Variants in THAP4 observed in about 807,000 individuals in gnomAD.
The protein encoded by THAP4 is peroxynitrite isomerase THAP4.
Under a neutral mutation model 48.1 loss-of-function variants are expected in THAP4, and 18 were observed. The observed-to-expected ratio is 0.37, with a 90% CI of 0.26 to 0.56. THAP4 has a LOEUF of 0.56. Among genes scored for constraint, THAP4 ranks in the 20% least tolerant of loss-of-function variants. THAP4 has a pLI of 0.78. For synonymous variants in THAP4, 345 were observed against 324.9 expected (o/e 1.06, Z -0.66); for missense variants, 656 against 774.9 (o/e 0.85, Z 1.82).
intron 5 of THAP4, among the ~76,000 whole-genome samples, chr2:241,595,704 G>A (rs2067038820): frequency 6.6e-6 from 1 of 151,808 alleles, no homozygotes. Flanking sequence ...AACAAACATG[G>A]ACACAAACAA....
At position 241,633,446 on chromosome 2, in the gene THAP4, C is replaced by T. The variant is rs577395918; in HGVS notation, c.711G>A (p.Ser237=). Residue 237 remains serine, a synonymous_variant, in exon 2 of 6, where the codon TCG becomes TCA. Transcript: ENST00000407315. This position sits in a 1 kb window ranked among gnomAD's most constrained non-coding sequence, Gnocchi z 7.5. ...GGGTGTGCTTAGAGGAGAAACTGTA[C>T]GAATGAAGTGAGCCGATAAATTTGC... ...GACKFIGSLH[S]YSFSSKHTRE... 23 of 1,613,842 alleles carry T rather than the reference C, an allele frequency of 1.4e-5. No homozygotes were observed. The Admixed American group carries it at 1.5e-4, about 11-fold the overall frequency.
At chr2:241,634,422 C>A (rs570710579) in intron 1 of THAP4, among the ~76,000 whole-genome samples, 1 of 152,200 alleles carries the variant, frequency 6.6e-6, no homozygotes, top group South Asian at 2.1e-4. Flanking sequence ...CAGGAAATAG[C>A]TCCTAGAAGC....
chr2:241,636,671 G>A (rs534231088), intron 1 of THAP4, among the ~76,000 whole-genome samples: 1 of 152,178 alleles, frequency 6.6e-6, no homozygotes, highest in Non-Finnish European at 1.5e-5. Context: ...CGCTTCCAGA[G>A]CGTGCGGCTT....
intron 2 of THAP4, among the ~76,000 whole-genome samples, chr2:241,622,168 GA>G (rs2067436729): frequency 6.6e-6 from 1 of 152,196 alleles, no homozygotes; most frequent in African/African-American, 2.4e-5. Flanking sequence ...TCAGGAGTTC[GA>G]GACCAGTCTG....
At chr2:241,598,415 TC>T (rs368553290) in intron 5 of THAP4, among the ~76,000 whole-genome samples, 1,696 of 152,220 alleles carry the variant, frequency 0.011, 30 homozygotes, top group African/African-American at 0.039. Flanking sequence ...CTCAGGGTTA[TC>T]CCCCAAAAAC....
chr2:241,606,951 GA>G (rs1229043992), intron 2 of THAP4, among the ~76,000 whole-genome samples: 1 of 152,188 alleles, frequency 6.6e-6, no homozygotes, highest in Non-Finnish European at 1.5e-5. Flanking sequence ...GCCCTGGCGT[GA>G]AGAGTGTGTG....
Position 241,625,797 on chromosome 2 carries a change from C to CAAAAA in THAP4, c.1240+7115_1240+7119dup, listed in dbSNP as rs147602587. On this transcript the variant is annotated intron_variant, in intron 2 of 5. Transcript: ENST00000407315. The stretch of plus-strand genomic sequence containing the variant: ...TGGGCAACAGAGCAAGACTCCGTCT[C>CAAAAA]AAAAAAAAAAAAAAAAAAAAAAAAA... Among the ~76,000 whole-genome samples the CAAAAA allele has an allele frequency of 2.9e-3, 144 of 50,166 alleles. 2 individuals carry two copies. Among genetic ancestry groups the CAAAAA allele is most frequent in the Non-Finnish European group, 3.5e-3 (110 of 31,126 alleles). The allele number at this position is 50,166 out of a possible 152,430, so 32.9% of individuals were successfully genotyped here. A position where few individuals can be genotyped will look rare whatever the true frequency, so the allele number is the denominator to read the frequency against.
In THAP4 at chr2:241,615,231, T is replaced by G. The variant is rs544366146; in HGVS notation, c.1241-8758A>C. 2.0e-5 allele frequency among the ~76,000 whole-genome samples: 3 copies of G among 152,128 alleles called. No homozygotes were observed. The South Asian group carries it at 6.2e-4, about 32-fold the overall frequency. On this transcript the variant is annotated intron_variant, in intron 2 of 5. Transcript: ENST00000407315. ...TTGGAGGGGAGTGCAAAGGAGAACC[T>G]GGACCGCTGGACGTGGGTGTGGCTG...
intron 2 of THAP4, among the ~76,000 whole-genome samples, chr2:241,626,389 C>G (rs761249936): frequency 2.0e-5 from 3 of 151,764 alleles, no homozygotes; most frequent in African/African-American, 4.8e-5. Context: ...TGCAGTGAGC[C>G]TAGATATCGC....
chr2:241,590,412 G>A lies in THAP4; in HGVS notation c.1615-5687C>T, dbSNP rs547724128. On this transcript the variant is annotated intron_variant, in intron 5 of 5. Transcript: ENST00000407315. ...GGCACTAGGACACTCAGAGCTGCTC[G>A]GCTGATGATAATGGGCACTAGGACA... Among the ~76,000 whole-genome samples the A allele has an allele frequency of 6.7e-5, 10 of 149,684 alleles. No individual in the cohort carries two copies. The East Asian group carries it at 1.8e-3, about 27-fold the overall frequency.
rs143045643 is a variant in THAP4, at chr2:241,633,473, C to T, written c.684G>A (p.Ala228=). 1.0e-4 allele frequency: 168 copies of T among 1,614,082 alleles called. No individual in the cohort carries two copies. The African/African-American group carries it at 1.5e-3, about 14-fold the overall frequency. ...AATGAAGTGAGCCGATAAATTTGCA[C>T]GCCCCAGATCCTGGGGGCGTAAAGT... The part of the protein sequence containing the change: ...MDDFTPPGSG[A]CKFIGSLHSY... The change falls in exon 2 of 6, where the codon GCG becomes GCA. Residue 228 remains alanine (A), a synonymous_variant. Transcript: ENST00000407315. The surrounding 1 kb of genome is among the most constrained non-coding windows in gnomAD (Gnocchi z 7.5).
chr2:241,589,512 G>C (rs1227373463), intron 5 of THAP4, among the ~76,000 whole-genome samples: 1 of 152,154 alleles, frequency 6.6e-6, no homozygotes. Context: ...ACTCAGCAGG[G>C]AAGTGCAAAT....
Position 241,610,373 on chromosome 2 carries a change from G to T in THAP4, c.1241-3900C>A, listed in dbSNP as rs557287348. Among the ~76,000 whole-genome samples the T allele has an allele frequency of 6.6e-6, 1 of 152,202 alleles. No homozygotes were observed. Among genetic ancestry groups the T allele is most frequent in the Non-Finnish European group, 1.5e-5 (1 of 68,020 alleles). On this transcript the variant is annotated intron_variant, in intron 2 of 5. Transcript: ENST00000407315. The surrounding 1 kb of genome is among the most constrained non-coding windows in gnomAD (Gnocchi z 4.2). ...GCCGCGCTCGCCCCCCAGCGCCAGG[G>T]TCACGCCACCGCGCCCTGTTTGGGG... is the stretch of plus-strand genomic sequence containing the variant.
chr2:241,588,624 C>A (rs1421749300), intron 5 of THAP4, among the ~76,000 whole-genome samples: 5 of 152,170 alleles, frequency 3.3e-5, no homozygotes, highest in Non-Finnish European at 7.3e-5. Flanking sequence ...GGAAGAACCA[C>A]ACACACAAAG....
chr2:241,618,329 CAAAT>C (rs2067372957), intron 2 of THAP4, among the ~76,000 whole-genome samples: 2 of 152,186 alleles, frequency 1.3e-5, no homozygotes, highest in South Asian at 4.1e-4. Flanking sequence ...AAAGTGGATA[CAAAT>C]AATTTGCAAA....
chr2:241,596,163 A>G (rs894186020), intron 5 of THAP4, among the ~76,000 whole-genome samples: 2 of 152,016 alleles, frequency 1.3e-5, no homozygotes, highest in African/African-American at 4.8e-5. Flanking sequence ...AAGGTGGCCT[A>G]TAAGATCCAA....
chr2:241,603,138 G>A (rs1370220698), intron 3 of THAP4, 59 bp from the exon 4 acceptor site: 13 of 1,395,844 alleles, frequency 9.3e-6, no homozygotes, highest in African/African-American at 1.4e-5. Flanking sequence ...GGCGTGGGCT[G>A]CGTGGATGCC....
intron 5 of THAP4, chr2:241,592,037 G>C (rs2066986820): frequency 6.6e-6 from 1 of 152,196 alleles, no homozygotes; most frequent in Admixed American, 6.5e-5. Context: ...CAGTGGAAAT[G>C]GTCACCAGAC....
chr2:241,594,281 T>A (rs137985818), intron 5 of THAP4, among the ~76,000 whole-genome samples: 3,466 of 152,164 alleles, frequency 0.023, 181 homozygotes, highest in East Asian at 0.17. Flanking sequence ...AGGTGTCTTT[T>A]TGGGGTATAA....
Sources: allele counts gnomAD v4.1 joint callset (sites outside exome capture counted in the v4.1 genomes callset), GRCh38; gene constraint gnomAD v4.1.1; non-coding constraint Gnocchi (gnomAD v3.1); transcripts MANE v1.5; gene names NCBI Gene and HGNC (gene_info 2026-07-23, HGNC 2026-07-21).